Variants in MRTFA observed in about 807,000 individuals in gnomAD.
MRTFA encodes myocardin related transcription factor A.
MRTFA carries 20 observed loss-of-function variants against 83.5 expected under a neutral mutation model. The ratio of observed to expected loss-of-function variants is 0.24; its 90% CI spans 0.17 to 0.35. The LOEUF is 0.35. Among genes scored for constraint, MRTFA ranks in the 10% least tolerant of loss-of-function variants. MRTFA has a pLI of 1.00. For synonymous variants in MRTFA, 659 were observed against 541.2 expected, an observed-to-expected ratio of 1.22 and a Z score of -3.02; for missense variants, 1,200 against 1,224.7, an observed-to-expected ratio of 0.98 and a Z score of 0.30.
chr22:40,610,864 T>C (rs2056378822), intron 1 of MRTFA, among the ~76,000 whole-genome samples: 1 of 150,548 alleles, frequency 6.6e-6, no homozygotes, highest in African/African-American at 2.4e-5. Flanking sequence ...AAGGAAGAGG[T>C]GAGTCTGAAA....
intron 3 of MRTFA, among the ~76,000 whole-genome samples, chr22:40,530,455 C>A (rs1246177057): frequency 6.6e-6 from 1 of 152,200 alleles, no homozygotes; most frequent in African/African-American, 2.4e-5. Context: ...CACCACCACA[C>A]CTGGCTAATT....
At chr22:40,501,967 T>A (rs1346333195) in intron 3 of MRTFA, among the ~76,000 whole-genome samples, 1 of 121,620 alleles carries the variant, frequency 8.2e-6, no homozygotes. Context: ...ACGGGGCGGC[T>A]GGCCGGGCGG....
intron 4 of MRTFA, among the ~76,000 whole-genome samples, chr22:40,437,025 T>A (rs2053184113): frequency 6.6e-6 from 1 of 152,194 alleles, no homozygotes; most frequent in African/African-American, 2.4e-5. Context: ...TAAAAATTTT[T>A]TGTGAATCTT....
At chr22:40,466,852 T>A (rs1019466092) in intron 3 of MRTFA, among the ~76,000 whole-genome samples, 1 of 151,698 alleles carries the variant, frequency 6.6e-6, no homozygotes, top group East Asian at 2.0e-4. Context: ...AAATTTAAAT[T>A]TATGAAAGCT....
At chr22:40,525,354 T>C (rs2054949567) in intron 3 of MRTFA, among the ~76,000 whole-genome samples, 1 of 151,950 alleles carries the variant, frequency 6.6e-6, no homozygotes, top group South Asian at 2.1e-4. Flanking sequence ...GATGGAATCT[T>C]GCTATGTTGC....
At chr22:40,613,662 C>T (rs1186895674) in intron 1 of MRTFA, among the ~76,000 whole-genome samples, 3 of 151,774 alleles carry the variant, frequency 2.0e-5, no homozygotes, top group Non-Finnish European at 4.4e-5. Context: ...TCAAGACCAC[C>T]CTGGGAAATA....
intron 1 of MRTFA, among the ~76,000 whole-genome samples, chr22:40,623,550 T>G (rs2056548214): frequency 6.6e-6 from 1 of 151,814 alleles, no homozygotes; most frequent in African/African-American, 2.4e-5. Context: ...TGACAAATAT[T>G]TATTGAGCAT....
chr22:40,581,411 G>A (rs540879116), intron 2 of MRTFA, among the ~76,000 whole-genome samples: 12 of 152,158 alleles, frequency 7.9e-5, no homozygotes, highest in Non-Finnish European at 1.6e-4. Context: ...ACAAAATCTT[G>A]CCAAAAACTT....
intron 2 of MRTFA, among the ~76,000 whole-genome samples, chr22:40,579,290 C>T (rs780708062): frequency 2.0e-5 from 3 of 152,208 alleles, no homozygotes; most frequent in Admixed American, 6.5e-5. Context: ...ATCTATCCCT[C>T]ACTCCATTCT....
intron 7 of MRTFA, among the ~76,000 whole-genome samples, chr22:40,425,226 G>A (rs1025586671): frequency 5.9e-5 from 9 of 152,358 alleles, no homozygotes; most frequent in Middle Eastern, 3.4e-3. Flanking sequence ...CCAGTGGGAA[G>A]GAAAGATGGG....
At chr22:40,581,783 T>C (rs1181947504) in intron 2 of MRTFA, among the ~76,000 whole-genome samples, 1 of 152,168 alleles carries the variant, frequency 6.6e-6, no homozygotes, top group South Asian at 2.1e-4. Context: ...AGCCTTTAGA[T>C]AAATGATGAT....
intron 8 of MRTFA, 126 bp downstream of exon 8, chr22:40,424,080 T>C: frequency 9.3e-7 from 1 of 1,072,994 alleles, no homozygotes; most frequent in African/African-American, 1.6e-5. Flanking sequence ...CCTAAGCAAC[T>C]AGGGTAGCAT....
intron 12 of MRTFA, chr22:40,417,797 C>T (rs1396245153): frequency 8.0e-6 from 3 of 377,312 alleles, no homozygotes; most frequent in Non-Finnish European, 1.4e-5. Context: ...TCAGGGACCC[C>T]TGTCTCCTAT....
chr22:40,521,941 C>T (rs2054876548), intron 3 of MRTFA: 1 of 152,544 alleles, frequency 6.6e-6, no homozygotes, highest in South Asian at 2.1e-4. Flanking sequence ...ACCTCCGCCT[C>T]CCAGGTTCAA....
intron 5 of MRTFA, among the ~76,000 whole-genome samples, 154 bp downstream of exon 5, chr22:40,435,344 TC>T (rs2053147584): frequency 6.6e-6 from 1 of 152,152 alleles, no homozygotes; most frequent in Non-Finnish European, 1.5e-5. Flanking sequence ...AGCAGAGCTT[TC>T]CATTTAAAAC....
chr22:40,455,848 T>TATGTATG (rs1403206532), intron 4 of MRTFA, among the ~76,000 whole-genome samples: 11 of 91,558 alleles, frequency 1.2e-4, no homozygotes, highest in South Asian at 3.4e-4. Flanking sequence ...ATGTATGTAT[T>TATGTATG]TATGAGATGA....
intron 3 of MRTFA, among the ~76,000 whole-genome samples, chr22:40,541,371 G>A (rs981425155): frequency 2.6e-5 from 4 of 152,212 alleles, no homozygotes; most frequent in Admixed American, 2.0e-4. Context: ...GTACGCATGA[G>A]TTTATTGAGG....
intron 1 of MRTFA, among the ~76,000 whole-genome samples, chr22:40,625,370 CT>C (rs2056569387): frequency 1.3e-5 from 2 of 151,608 alleles, no homozygotes; most frequent in African/African-American, 4.8e-5. Flanking sequence ...AATCCCAACA[CT>C]TTGGGAAGCC....
chr22:40,490,398 A>G (rs973584927), intron 3 of MRTFA, among the ~76,000 whole-genome samples: 5 of 152,186 alleles, frequency 3.3e-5, no homozygotes, highest in African/African-American at 1.2e-4. Context: ...CAGGAGATCA[A>G]GACCATCCTG....
Sources: gnomAD v4.1 joint callset for allele counts (sites outside exome capture counted in the v4.1 genomes callset) on GRCh38, gnomAD v4.1.1 for gene constraint, MANE v1.5 for transcripts, NCBI Gene and HGNC (gene_info 2026-07-23, HGNC 2026-07-21) for gene names.